Variants in PXDNL observed in about 807,000 individuals in gnomAD.
PXDNL encodes the protein peroxidasin like.
A neutral mutation model predicts 150.8 loss-of-function variants in PXDNL; 145 were observed. That is an observed-to-expected ratio of 0.96 (90% CI 0.84 to 1.10). The LOEUF (loss-of-function observed/expected upper bound fraction) is 1.10. Ranked by LOEUF, PXDNL falls within the 50% of genes least tolerant of loss-of-function variation. PXDNL has a pLI of 0.00. For synonymous variants in PXDNL, 757 were observed against 725.7 expected, an observed-to-expected ratio of 1.04 and a Z score of -0.69; for missense variants, 2,087 against 1,873.9, an observed-to-expected ratio of 1.11 and a Z score of -2.10.
intron 1 of PXDNL, among the ~76,000 whole-genome samples, chr8:51,685,202 C>T (rs1283368083): frequency 6.6e-6 from 1 of 152,148 alleles, no homozygotes. Context: ...CTAGAAACCT[C>T]GTGTAGAATG....
chr8:51,729,960 C>G (rs754906981), intron 1 of PXDNL, among the ~76,000 whole-genome samples: 13 of 152,188 alleles, frequency 8.5e-5, no homozygotes, highest in Non-Finnish European at 1.5e-4. Context: ...TCAATGTTTG[C>G]CAATGGTTAG....
intron 4 of PXDNL, among the ~76,000 whole-genome samples, chr8:51,525,150 C>G (rs113798883): frequency 1.3e-5 from 2 of 152,162 alleles, no homozygotes; most frequent in East Asian, 1.9e-4. Context: ...AAAATCTTCA[C>G]ACATCACTTT....
At chr8:51,422,978 A>AT (rs887360156) in intron 14 of PXDNL, among the ~76,000 whole-genome samples, 1 of 152,188 alleles carries the variant, frequency 6.6e-6, no homozygotes, top group African/African-American at 2.4e-5. Flanking sequence ...GAAAAAATAT[A>AT]TTTTTTATAA....
intron 4 of PXDNL, among the ~76,000 whole-genome samples, chr8:51,501,305 C>CA (rs1252327028): frequency 6.6e-6 from 1 of 151,866 alleles, no homozygotes; most frequent in African/African-American, 2.4e-5. Context: ...CTCACACACA[C>CA]AGACACTCTC....
intron 1 of PXDNL, among the ~76,000 whole-genome samples, chr8:51,786,181 G>T (rs1005598332): frequency 2.6e-5 from 4 of 152,142 alleles, no homozygotes; most frequent in Non-Finnish European, 5.9e-5. Context: ...TGAAGAGGTA[G>T]GAAAAACATT....
intron 3 of PXDNL, among the ~76,000 whole-genome samples, chr8:51,577,943 G>GA (rs1284818030): frequency 1.4e-5 from 1 of 69,566 alleles, no homozygotes; most frequent in Non-Finnish European, 2.9e-5. Context: ...AAGAAAGAAA[G>GA]AAAGAAAGAA....
intron 3 of PXDNL, among the ~76,000 whole-genome samples, chr8:51,576,911 A>G (rs1813067105): frequency 6.6e-6 from 1 of 151,890 alleles, no homozygotes; most frequent in South Asian, 2.1e-4. Context: ...AAAATGGACA[A>G]CTTCCTCAAA....
intron 2 of PXDNL, among the ~76,000 whole-genome samples, chr8:51,617,592 C>G (rs925538610): frequency 6.6e-6 from 1 of 152,198 alleles, no homozygotes; most frequent in Admixed American, 6.5e-5. Flanking sequence ...CAGGCTCAGT[C>G]AATACTGCAT....
At chr8:51,339,155 A>G (rs577347864) in intron 21 of PXDNL, among the ~76,000 whole-genome samples, 4 of 152,140 alleles carry the variant, frequency 2.6e-5, no homozygotes, top group African/African-American at 9.6e-5. Context: ...TCCCTAACTC[A>G]CTTCTTATTA....
chr8:51,581,513 A>ATAAATAAATAAATAAT (rs538220379), intron 3 of PXDNL, among the ~76,000 whole-genome samples: 41 of 151,990 alleles, frequency 2.7e-4, no homozygotes, highest in African/African-American at 9.7e-4. Flanking sequence ...AAATAAATAA[A>ATAAATAAATAAATAAT]TTTTAAAAAT....
chr8:51,758,851 G>A (rs1354050743), intron 1 of PXDNL, among the ~76,000 whole-genome samples: 1 of 152,172 alleles, frequency 6.6e-6, no homozygotes, highest in African/African-American at 2.4e-5. Context: ...GCCAGTTAAT[G>A]TGCTTGTGCT....
intron 3 of PXDNL, among the ~76,000 whole-genome samples, chr8:51,565,983 C>T (rs567121886): frequency 1.0e-3 from 154 of 151,848 alleles, no homozygotes; most frequent in Non-Finnish European, 2.0e-3. Flanking sequence ...AGAGTACCCT[C>T]GCTTCCTAGT....
chr8:51,770,814 C>A (rs1328717617), intron 1 of PXDNL, among the ~76,000 whole-genome samples: 1 of 152,200 alleles, frequency 6.6e-6, no homozygotes, highest in Non-Finnish European at 1.5e-5. Flanking sequence ...CGTGTGGTGC[C>A]CGCTCTCAAT....
At chr8:51,459,289 T>C (rs1810010585) in intron 8 of PXDNL, among the ~76,000 whole-genome samples, 1 of 152,256 alleles carries the variant, frequency 6.6e-6, no homozygotes, top group South Asian at 2.1e-4. Flanking sequence ...TTAAGCAATT[T>C]AATTATTTTA....
chr8:51,452,994 G>A (rs1256200912), intron 10 of PXDNL, among the ~76,000 whole-genome samples: 4 of 141,026 alleles, frequency 2.8e-5, no homozygotes, highest in Non-Finnish European at 6.1e-5. Context: ...ACCCCAGGCT[G>A]AGAACCAAAG....
intron 1 of PXDNL, among the ~76,000 whole-genome samples, chr8:51,759,646 G>A (rs2037140154): frequency 6.6e-6 from 1 of 152,164 alleles, no homozygotes; most frequent in Non-Finnish European, 1.5e-5. Flanking sequence ...CCATTCCTTT[G>A]TCATGCTTTA....
intron 6 of PXDNL, among the ~76,000 whole-genome samples, chr8:51,481,927 G>A (rs1236685428): frequency 6.6e-6 from 1 of 152,224 alleles, no homozygotes; most frequent in East Asian, 1.9e-4. Flanking sequence ...ACCTCTGCCA[G>A]GGCAGTGTGG....
chr8:51,751,167 T>C (rs1049385924), intron 1 of PXDNL, among the ~76,000 whole-genome samples: 1 of 152,180 alleles, frequency 6.6e-6, no homozygotes, highest in African/African-American at 2.4e-5. Context: ...CATATCAACA[T>C]GTTCTGGGTA....
chr8:51,683,080 T>C (rs1283567173), intron 1 of PXDNL, among the ~76,000 whole-genome samples: 2 of 149,228 alleles, frequency 1.3e-5, no homozygotes, highest in East Asian at 4.0e-4. Flanking sequence ...CTGTTTTCCA[T>C]GGTGGCTGCA....
Sources: gnomAD v4.1 joint callset for allele counts (sites outside exome capture counted in the v4.1 genomes callset) on GRCh38, gnomAD v4.1.1 for gene constraint, MANE v1.5 for transcripts, NCBI Gene and HGNC (gene_info 2026-07-23, HGNC 2026-07-21) for gene names.